Variants in SLC25A26 observed in about 807,000 individuals in gnomAD.
SLC25A26 encodes the protein mitochondrial S-adenosylmethionine carrier protein.
In SLC25A26, 36 loss-of-function variants were observed where a neutral mutation model predicts 37.8. That is an observed-to-expected ratio of 0.95 (90% CI 0.73 to 1.26). SLC25A26 has a LOEUF of 1.26. Among genes scored for constraint, SLC25A26 ranks in the 50% most tolerant of loss-of-function variants. The pLI, the probability that SLC25A26 is intolerant of heterozygous loss-of-function variation, is 0.00. For missense variants in SLC25A26, 390 were observed against 331.1 expected, an observed-to-expected ratio of 1.18 and a Z score of -1.38; for synonymous variants, 129 against 122.5, an observed-to-expected ratio of 1.05 and a Z score of -0.35.
intron 1 of SLC25A26, among the ~76,000 whole-genome samples, chr3:66,161,845 A>G (rs2070364020): frequency 6.6e-6 from 1 of 152,160 alleles, no homozygotes; most frequent in African/African-American, 2.4e-5. Context: ...TCACCAACTC[A>G]CACACTAAGA....
chr3:66,209,369 A>G (rs2071241873), intron 1 of SLC25A26, among the ~76,000 whole-genome samples: 1 of 140,264 alleles, frequency 7.1e-6, no homozygotes, highest in South Asian at 2.3e-4. Flanking sequence ...GTATGTATAT[A>G]TATACATATG....
intron 1 of SLC25A26, among the ~76,000 whole-genome samples, chr3:66,177,515 C>T (rs2070608408): frequency 6.6e-6 from 1 of 152,176 alleles, no homozygotes; most frequent in South Asian, 2.1e-4. Context: ...TCTTCCTTAC[C>T]AACTCCTTGT....
chr3:66,190,478 G>C (rs1559569168), intron 1 of SLC25A26, among the ~76,000 whole-genome samples: 1 of 152,122 alleles, frequency 6.6e-6, no homozygotes, highest in East Asian at 1.9e-4. Flanking sequence ...ACCCAGGCTA[G>C]AGTGCAGTGG....
chr3:66,209,898 TTATATATATATATATATATATATATA>T lies in SLC25A26; in HGVS notation c.-353-10820_-353-10795del, dbSNP rs1159734636. On this transcript the variant is annotated intron_variant, in intron 1 of 10. Coordinates refer to the SLC25A26 transcript ENST00000676754. ...TATACTCCTCTCTCTCTCTCTCTAT[TTATATATATATATATATATATATATA>T]TATATATATATATATATATATATGC... Among the ~76,000 whole-genome samples the T allele has an allele frequency of 1.8e-3, 70 of 38,616 alleles. 5 individuals are homozygous for T. The highest frequency in any genetic ancestry group is 6.0e-3 in the South Asian group (5 of 830). 25.3% of individuals were successfully genotyped at this position (38,616 alleles called of 152,430 possible).
At chr3:66,231,187 G>A (rs187705729) in intron 1 of SLC25A26, among the ~76,000 whole-genome samples, 20 of 152,130 alleles carry the variant, frequency 1.3e-4, no homozygotes, top group African/African-American at 4.8e-4. Context: ...AAAATAAATT[G>A]TTTCAGGACG....
chr3:66,346,720 G>A (rs1021167115), intron 6 of SLC25A26, among the ~76,000 whole-genome samples: 7 of 84,596 alleles, frequency 8.3e-5, no homozygotes, highest in Middle Eastern at 4.3e-3. Flanking sequence ...GTGTGCGTGT[G>A]TGTGTGTGTG....
chr3:66,366,915 A>C (rs927172178), intron 7 of SLC25A26, among the ~76,000 whole-genome samples: 1 of 152,236 alleles, frequency 6.6e-6, no homozygotes, highest in African/African-American at 2.4e-5. Flanking sequence ...AGTAACACCT[A>C]TGCAAATGAG....
At chr3:66,317,489 G>T (rs2075571640) in intron 5 of SLC25A26, among the ~76,000 whole-genome samples, 1 of 152,134 alleles carries the variant, frequency 6.6e-6, no homozygotes, top group Non-Finnish European at 1.5e-5. Context: ...TCCTTTCTCT[G>T]GGAGCTCTGT....
intron 5 of SLC25A26, among the ~76,000 whole-genome samples, chr3:66,281,896 C>T (rs1217900542): frequency 6.8e-6 from 1 of 148,110 alleles, no homozygotes; most frequent in Non-Finnish European, 1.5e-5. Context: ...GATCTCAGCT[C>T]ACTGCAACCT....
intron 5 of SLC25A26, among the ~76,000 whole-genome samples, chr3:66,298,913 C>T (rs1272773831): frequency 6.6e-6 from 1 of 152,200 alleles, no homozygotes; most frequent in East Asian, 1.9e-4. Flanking sequence ...TCCCCCAGAT[C>T]CCAAGTTACA....
intron 5 of SLC25A26, among the ~76,000 whole-genome samples, chr3:66,289,709 T>G (rs932734403): frequency 6.6e-6 from 1 of 152,280 alleles, no homozygotes; most frequent in East Asian, 1.9e-4. Flanking sequence ...CCATGCTGTT[T>G]TGGTTTACTG....
At chr3:66,198,863 G>A (rs907187020) in intron 1 of SLC25A26, among the ~76,000 whole-genome samples, 8 of 151,134 alleles carry the variant, frequency 5.3e-5, no homozygotes, top group Admixed American at 1.3e-4. Flanking sequence ...CTTCACACGC[G>A]TTTTGACCCT....
chr3:66,289,822 A>C (rs2074643699), intron 5 of SLC25A26, among the ~76,000 whole-genome samples: 1 of 152,176 alleles, frequency 6.6e-6, no homozygotes, highest in African/African-American at 2.4e-5. Flanking sequence ...ATTACGTATG[A>C]AATTTAAAGT....
chr3:66,236,811 ATTTCCTTC>A, intron 2 of SLC25A26, 111 bp downstream of exon 2: 1 of 787,298 alleles, frequency 1.3e-6, no homozygotes, highest in Non-Finnish European at 1.8e-6. Context: ...TATCTTCTGA[ATTTCCTTC>A]TTTAACCTGG....
chr3:66,355,696 T>G (rs1233708232), intron 6 of SLC25A26, among the ~76,000 whole-genome samples: 9 of 152,196 alleles, frequency 5.9e-5, no homozygotes, highest in Non-Finnish European at 1.5e-5. Flanking sequence ...AATGATAAAA[T>G]TATAGGCAGC....
chr3:66,251,214 G>A (rs2073071477), intron 3 of SLC25A26, among the ~76,000 whole-genome samples: 1 of 152,086 alleles, frequency 6.6e-6, no homozygotes, highest in Non-Finnish European at 1.5e-5. Context: ...GGACTTTTTT[G>A]ATCAGACTTG....
At chr3:66,317,796 A>C (rs1205475689) in intron 5 of SLC25A26, among the ~76,000 whole-genome samples, 3 of 151,932 alleles carry the variant, frequency 2.0e-5, no homozygotes, top group Admixed American at 6.6e-5. Flanking sequence ...CTGTCCATAA[A>C]CCCCTGGCTG....
Position 66,367,243 on chromosome 3 carries a change from A to G in SLC25A26, c.569-2235A>G, listed in dbSNP as rs186881312. On this transcript the variant is annotated intron_variant, in intron 7 of 9. Coordinates refer to ENST00000354883, the MANE Select transcript of SLC25A26 (RefSeq NM_001379210.1). ...CGTAGGCCCATTTAATTCCTGTGTC[A>G]TACTACTATCTGCATTTTACAGATC... 1.6e-4 allele frequency among the ~76,000 whole-genome samples: 24 copies of G among 152,334 alleles called. No homozygotes were observed. The East Asian group carries it at 4.4e-3, about 28-fold the overall frequency.
chr3:66,144,548 G>T (rs1257897254), intron 1 of SLC25A26, among the ~76,000 whole-genome samples: 1 of 152,192 alleles, frequency 6.6e-6, no homozygotes, highest in Non-Finnish European at 1.5e-5. Context: ...AGGATTAGCT[G>T]GTTGTGGTGT....
Sources: allele counts gnomAD v4.1 joint callset (sites outside exome capture counted in the v4.1 genomes callset), GRCh38; gene constraint gnomAD v4.1.1; transcripts MANE v1.5; gene names NCBI Gene and HGNC (gene_info 2026-07-23, HGNC 2026-07-21).